The following AGBL4 variants were observed in gnomAD, a reference collection of about 807,000 sequenced individuals.
AGBL4 encodes AGBL carboxypeptidase 4, also known as cytosolic carboxypeptidase 6.
AGBL4 carries 58 observed loss-of-function variants against 66.4 expected under a neutral mutation model. The observed-to-expected ratio is 0.87, with a 90% confidence interval of 0.71 to 1.09. The LOEUF is 1.09. AGBL4 is among the 50% of genes least tolerant of loss of function. AGBL4 has a pLI of 0.00. For synonymous variants in AGBL4, 234 were observed against 222.9 expected (o/e 1.05, Z -0.44); for missense variants, 579 against 631.0 (o/e 0.92, Z 0.88).
chr1:49,673,040 T>C (rs1646512304), intron 3 of AGBL4, among the ~76,000 whole-genome samples: 1 of 151,478 alleles, frequency 6.6e-6, no homozygotes, highest in South Asian at 2.1e-4. Context: ...AAGCTAGGAC[T>C]CTACAGAATA....
chr1:48,883,440 T>C (rs1649981117), intron 5 of AGBL4, among the ~76,000 whole-genome samples: 1 of 152,212 alleles, frequency 6.6e-6, no homozygotes, highest in Non-Finnish European at 1.5e-5. Context: ...ACAAGATTAC[T>C]CATTTATAGA....
At chr1:49,215,004 G>A (rs1026758464) in intron 4 of AGBL4, among the ~76,000 whole-genome samples, 1 of 152,194 alleles carries the variant, frequency 6.6e-6, no homozygotes, top group East Asian at 1.9e-4. Flanking sequence ...TCATGAAACA[G>A]TTGTGATAGA....
At position 49,563,333 on chromosome 1, in the gene AGBL4, T is replaced by A. The variant is rs543821254; in HGVS notation, c.282+133980A>T. On this transcript the variant is annotated intron_variant, in intron 3 of 13. Coordinates refer to ENST00000371839, the MANE Select transcript of AGBL4 (RefSeq NM_032785.4). Reference sequence around the variant, plus strand: ...CCTGCCTGATTGTCCTGGCCAGAACTTCCAACACTATGTTGAATAGGAGTG... The same window carrying A: ...CCTGCCTGATTGTCCTGGCCAGAACATCCAACACTATGTTGAATAGGAGTG... Among the ~76,000 whole-genome samples the A allele has an allele frequency of 3.5e-4, 54 of 152,202 alleles. 2 individuals are homozygous for A. In the South Asian group the frequency reaches 9.8e-3, roughly 28 times the overall value.
intron 4 of AGBL4, among the ~76,000 whole-genome samples, chr1:49,197,380 C>A (rs1345811497): frequency 6.6e-6 from 1 of 152,148 alleles, no homozygotes; most frequent in African/African-American, 2.4e-5. Flanking sequence ...CCATGGTACA[C>A]TTTGTGTTGG....
chr1:49,941,852 G>C (rs1478159303), intron 1 of AGBL4, among the ~76,000 whole-genome samples: 1 of 151,920 alleles, frequency 6.6e-6, no homozygotes, highest in African/African-American at 2.4e-5. Context: ...CTCATCACTT[G>C]TATTCAATAC....
At chr1:49,598,498 T>C (rs541883671) in intron 3 of AGBL4, among the ~76,000 whole-genome samples, 67 of 152,326 alleles carry the variant, frequency 4.4e-4, no homozygotes, top group Non-Finnish European at 8.1e-4. Context: ...CCTGTTTGCC[T>C]GGGTATCAGC....
intron 5 of AGBL4, among the ~76,000 whole-genome samples, chr1:48,953,861 G>C (rs1265592657): frequency 6.6e-6 from 1 of 152,172 alleles, no homozygotes; most frequent in African/African-American, 2.4e-5. Context: ...AACGTGCTTG[G>C]CATTTGCCTA....
chr1:49,331,512 G>A (rs936306474), intron 3 of AGBL4, among the ~76,000 whole-genome samples: 1 of 152,116 alleles, frequency 6.6e-6, no homozygotes, highest in Non-Finnish European at 1.5e-5. Flanking sequence ...CCCCAATACA[G>A]TACAGCTGCT....
chr1:50,009,471 G>T (rs1022665268), intron 1 of AGBL4, among the ~76,000 whole-genome samples: 1 of 149,214 alleles, frequency 6.7e-6, no homozygotes, highest in South Asian at 2.1e-4. Context: ...ATCCTTTCAT[G>T]ATAAAAAAAA....
intron 5 of AGBL4, among the ~76,000 whole-genome samples, chr1:48,942,709 G>A (rs982077036): frequency 9.2e-5 from 14 of 152,152 alleles, no homozygotes; most frequent in Non-Finnish European, 2.1e-4. Flanking sequence ...GGGTAGGAGA[G>A]TAGTGAGAAA....
At chr1:48,651,152 G>A (rs1645923543) in intron 8 of AGBL4, among the ~76,000 whole-genome samples, 1 of 152,194 alleles carries the variant, frequency 6.6e-6, no homozygotes, top group African/African-American at 2.4e-5. Flanking sequence ...TCTGGTTAGA[G>A]TTGCTCTCCA....
intron 3 of AGBL4, among the ~76,000 whole-genome samples, chr1:49,596,657 C>T (rs191503092): frequency 1.2e-4 from 18 of 152,248 alleles, no homozygotes; most frequent in Non-Finnish European, 1.8e-4. Context: ...TCATCATTTA[C>T]AATGAAAGTG....
chr1:49,879,285 G>C (rs1414593908), intron 1 of AGBL4, among the ~76,000 whole-genome samples: 6 of 151,220 alleles, frequency 4.0e-5, no homozygotes, highest in African/African-American at 1.2e-4. Context: ...GCATGATTTT[G>C]CAGTGGCTGG....
At chr1:48,607,613 C>T (rs998421678) in intron 9 of AGBL4, among the ~76,000 whole-genome samples, 1 of 151,994 alleles carries the variant, frequency 6.6e-6, no homozygotes, top group African/African-American at 2.4e-5. Flanking sequence ...TGCAAGACTC[C>T]ATCCCCCCAC....
At chr1:49,995,223 G>T (rs1283341594) in intron 1 of AGBL4, 1 of 456,068 alleles carries the variant, frequency 2.2e-6, no homozygotes, top group African/African-American at 2.0e-5. Context: ...AAAGCTGCTT[G>T]CTTTCTCAGT....
At chr1:49,991,263 T>C (rs1659919926) in intron 1 of AGBL4, among the ~76,000 whole-genome samples, 1 of 152,116 alleles carries the variant, frequency 6.6e-6, no homozygotes, top group Non-Finnish European at 1.5e-5. Flanking sequence ...TGAAATGTTA[T>C]TAGAGACAAT....
chr1:48,587,284 C>G (rs1345671067), intron 10 of AGBL4, 118 bp from the exon 11 acceptor site: 2 of 951,928 alleles, frequency 2.1e-6, no homozygotes, highest in Non-Finnish European at 3.1e-6. Context: ...GGATATTAGC[C>G]CCTCATCACA....
chr1:48,934,054 C>A (rs1449113901), intron 5 of AGBL4, among the ~76,000 whole-genome samples: 2 of 152,154 alleles, frequency 1.3e-5, no homozygotes, highest in Admixed American at 6.5e-5. Flanking sequence ...TGGTAAGTGC[C>A]TCTGGGGAGC....
chr1:48,761,650 T>C (rs1413941159), intron 6 of AGBL4, among the ~76,000 whole-genome samples: 1 of 152,192 alleles, frequency 6.6e-6, no homozygotes, highest in Non-Finnish European at 1.5e-5. Context: ...GCAGTGCAGA[T>C]CTAGGAACAA....
Sources: allele counts gnomAD v4.1 joint callset (sites outside exome capture counted in the v4.1 genomes callset), GRCh38; gene constraint gnomAD v4.1.1; transcripts MANE v1.5; gene names NCBI Gene and HGNC (gene_info 2026-07-23, HGNC 2026-07-21).